ZNF565: variants seen among roughly 807,000 people sequenced by gnomAD.
ZNF565 encodes the protein zinc finger protein 565.
Under a neutral mutation model 39.4 loss-of-function variants are expected in ZNF565, and 27 were observed. That is an observed-to-expected ratio of 0.69 (90% CI 0.51 to 0.95). The LOEUF (loss-of-function observed/expected upper bound fraction) is 0.95, where lower values mean the gene tolerates loss of function less well. Ranked by LOEUF, ZNF565 falls within the 40% of genes least tolerant of loss-of-function variation. The pLI is 0.00. For synonymous variants in ZNF565, 185 were observed against 216.6 expected, an observed-to-expected ratio of 0.85 and a Z score of 1.28; for missense variants, 524 against 621.1, an observed-to-expected ratio of 0.84 and a Z score of 1.66.
intron 1 of ZNF565, among the ~76,000 whole-genome samples, chr19:36,232,851 T>TG (rs1977447713): frequency 6.6e-6 from 1 of 152,268 alleles, no homozygotes; most frequent in African/African-American, 2.4e-5. Flanking sequence ...CCCACAGTGC[T>TG]GGGATTACAG....
chr19:36,190,465 AC>A (rs1263271419), intron 4 of ZNF565, among the ~76,000 whole-genome samples: 1 of 151,454 alleles, frequency 6.6e-6, no homozygotes, highest in Non-Finnish European at 1.5e-5. Flanking sequence ...AATCCCAGCT[AC>A]TCGGGAGGCT....
chr19:36,245,805 C>T lies in ZNF565; in HGVS notation c.-275G>A. The T allele has an allele frequency of 2.4e-6, 1 of 415,612 alleles. No homozygotes were observed. The highest frequency in any genetic ancestry group is 4.1e-5 in the South Asian group (1 of 24,584). The allele number at this position is 415,612 out of a possible 1,614,324, so 25.7% of individuals were successfully genotyped here. On this transcript the variant is annotated 5_prime_UTR_variant, in exon 1 of 5. Coordinates refer to the ZNF565 transcript ENST00000355114. This position sits in a 1 kb window ranked among gnomAD's most constrained non-coding sequence, Gnocchi z 4.4. The stretch of plus-strand genomic sequence containing the variant: ...GGTGCCGGAGGCTACTCTTGAGTCC[C>T]GGTTCCTTCGCCCAGCTGCGGGCCT...
At chr19:36,225,423 T>C (rs999778465) in intron 1 of ZNF565, among the ~76,000 whole-genome samples, 2 of 152,212 alleles carry the variant, frequency 1.3e-5, no homozygotes, top group Admixed American at 1.3e-4. Context: ...TGTGGTCTAT[T>C]TATAGCTTTG....
At chr19:36,220,427 C>T (rs755820008) in intron 1 of ZNF565, among the ~76,000 whole-genome samples, 13 of 151,388 alleles carry the variant, frequency 8.6e-5, no homozygotes. Flanking sequence ...TGCAGTGGCA[C>T]GATCTCAGCT....
intron 2 of ZNF565, among the ~76,000 whole-genome samples, chr19:36,198,199 G>A (rs190414173): frequency 6.6e-6 from 1 of 152,134 alleles, no homozygotes; most frequent in Admixed American, 6.6e-5. Context: ...GTTTGCTGCA[G>A]CACTGTCCAC....
At chr19:36,209,947 T>C (rs2145362839) in intron 1 of ZNF565, among the ~76,000 whole-genome samples, 2 of 151,884 alleles carry the variant, frequency 1.3e-5, no homozygotes, top group Middle Eastern at 3.4e-3. Flanking sequence ...CATTTTTCAA[T>C]GTCAAAGAAA....
intron 4 of ZNF565, among the ~76,000 whole-genome samples, chr19:36,190,260 C>G (rs181903082): frequency 4.7e-4 from 71 of 152,210 alleles, no homozygotes; most frequent in African/African-American, 1.6e-3. Flanking sequence ...TGTTGTCACA[C>G]AGCAAGGGGA....
At chr19:36,193,978 G>A (rs1387913980) in intron 4 of ZNF565, among the ~76,000 whole-genome samples, 1 of 152,076 alleles carries the variant, frequency 6.6e-6, no homozygotes, top group Admixed American at 6.6e-5. Flanking sequence ...GTTGGCCACT[G>A]GGGAAGAAAT....
intron 4 of ZNF565, among the ~76,000 whole-genome samples, chr19:36,184,169 ATAT>A (rs976224680): frequency 2.0e-5 from 3 of 151,910 alleles, no homozygotes; most frequent in Non-Finnish European, 4.4e-5. Context: ...TACATCTCAA[ATAT>A]TATGCAATTT....
At chr19:36,232,609 CTT>C (rs548903056) in intron 1 of ZNF565, among the ~76,000 whole-genome samples, 2 of 140,064 alleles carry the variant, frequency 1.4e-5, no homozygotes, top group African/African-American at 2.6e-5. Context: ...TTTCTTTTTT[CTT>C]TTTTTTTTTT....
At chr19:36,225,421 A>G (rs1299172119) in intron 1 of ZNF565, among the ~76,000 whole-genome samples, 1 of 151,974 alleles carries the variant, frequency 6.6e-6, no homozygotes, top group Non-Finnish European at 1.5e-5. Context: ...TTTGTGGTCT[A>G]TTTATAGCTT....
intron 1 of ZNF565, among the ~76,000 whole-genome samples, chr19:36,211,144 A>G (rs914616971): frequency 6.6e-6 from 1 of 152,194 alleles, no homozygotes; most frequent in Non-Finnish European, 1.5e-5. Context: ...TTCTAACAGT[A>G]AGATTCTAAT....
chr19:36,201,776 A>G (rs1284563898), intron 2 of ZNF565, among the ~76,000 whole-genome samples: 1 of 152,044 alleles, frequency 6.6e-6, no homozygotes. Flanking sequence ...CGCCTAGCCT[A>G]TGCTCTGCTA....
chr19:36,232,615 T>C (rs1299908651), intron 1 of ZNF565, among the ~76,000 whole-genome samples: 1 of 151,180 alleles, frequency 6.6e-6, no homozygotes, highest in Admixed American at 6.6e-5. Flanking sequence ...TTTTCTTTTT[T>C]TTTTTTTTCC....
chr19:36,235,821 C>T (rs758009639), intron 1 of ZNF565: 1 of 152,170 alleles, frequency 6.6e-6, no homozygotes, highest in Non-Finnish European at 1.5e-5. Context: ...TGTTTTAAGG[C>T]CACACCTTTT....
At chr19:36,199,161 C>T (rs1975866987) in intron 2 of ZNF565, among the ~76,000 whole-genome samples, 2 of 152,224 alleles carry the variant, frequency 1.3e-5, no homozygotes, top group Admixed American at 1.3e-4. Flanking sequence ...TCACTGTCCA[C>T]TTTTCCTTGC....
intron 1 of ZNF565, among the ~76,000 whole-genome samples, chr19:36,243,550 T>TG: frequency 6.6e-6 from 1 of 152,330 alleles, no homozygotes; most frequent in African/African-American, 2.4e-5. Context: ...ATATGTTTGC[T>TG]GGGGGATTTT....
At chr19:36,202,244 G>A (rs1266041538) in intron 1 of ZNF565, among the ~76,000 whole-genome samples, 194 bp from the exon 2 acceptor site, 1 of 152,108 alleles carries the variant, frequency 6.6e-6, no homozygotes, top group African/African-American at 2.4e-5. Context: ...GCTCACGCCT[G>A]TAAACCCAGC....
chr19:36,193,492 G>A (rs1975645664), intron 4 of ZNF565, among the ~76,000 whole-genome samples: 3 of 146,140 alleles, frequency 2.1e-5, no homozygotes, highest in Non-Finnish European at 3.0e-5. Flanking sequence ...CCAGGCTGGA[G>A]TGCAGTGGCG....
Sources: gnomAD v4.1 joint callset for allele counts (sites outside exome capture counted in the v4.1 genomes callset) on GRCh38, gnomAD v4.1.1 for gene constraint, Gnocchi (gnomAD v3.1) non-coding constraint, MANE v1.5 for transcripts, NCBI Gene and HGNC (gene_info 2026-07-23, HGNC 2026-07-21) for gene names.